CDIN1: variants seen among roughly 807,000 people sequenced by gnomAD.
CDIN1 encodes the protein CDAN1-interacting nuclease 1.
A neutral mutation model predicts 45.3 loss-of-function variants in CDIN1; 33 were observed. The ratio of observed to expected loss-of-function variants is 0.73; its 90% CI spans 0.55 to 0.97. The LOEUF (loss-of-function observed/expected upper bound fraction) is 0.97, where lower values mean the gene tolerates loss of function less well. CDIN1 is among the 50% of genes least tolerant of loss of function. The pLI is 0.00. For synonymous variants in CDIN1, 118 were observed against 124.4 expected (o/e 0.95, Z 0.34); for missense variants, 303 against 339.4 (o/e 0.89, Z 0.84).
At chr15:36,764,755 G>C (rs1012741734) in intron 10 of CDIN1, among the ~76,000 whole-genome samples, 4 of 152,152 alleles carry the variant, frequency 2.6e-5, no homozygotes, top group African/African-American at 7.2e-5. Flanking sequence ...AGCTCCCCTT[G>C]CAGTAAGATG....
chr15:36,655,200 A>G (rs2040730547), intron 4 of CDIN1, among the ~76,000 whole-genome samples: 1 of 152,234 alleles, frequency 6.6e-6, no homozygotes, highest in Non-Finnish European at 1.5e-5. Flanking sequence ...AGTCTAAGCA[A>G]TGTCTACACA....
chr15:36,794,028 A>C (rs991254723), intron 10 of CDIN1, among the ~76,000 whole-genome samples: 9 of 147,982 alleles, frequency 6.1e-5, no homozygotes, highest in South Asian at 4.2e-4. Context: ...GAAAAAAAAA[A>C]CCCCACATAA....
At chr15:36,692,510 A>G (rs1442725647) in intron 7 of CDIN1, among the ~76,000 whole-genome samples, 1 of 152,220 alleles carries the variant, frequency 6.6e-6, no homozygotes, top group Non-Finnish European at 1.5e-5. Context: ...ACATTTTTTA[A>G]AAATATAACA....
chr15:36,607,891 A>C (rs1428521172), intron 1 of CDIN1, among the ~76,000 whole-genome samples: 6 of 152,178 alleles, frequency 3.9e-5, no homozygotes, highest in Admixed American at 3.9e-4. Flanking sequence ...GTTCAGTCCT[A>C]GGCGATCACT....
intron 10 of CDIN1, among the ~76,000 whole-genome samples, chr15:36,794,059 C>CTT (rs1348220036): frequency 9.6e-4 from 47 of 48,756 alleles, no homozygotes; most frequent in Non-Finnish European, 2.4e-3. Context: ...GCCATCATAA[C>CTT]TATTTTTTTT....
chr15:36,600,186 T>G (rs1004023122), intron 1 of CDIN1, among the ~76,000 whole-genome samples: 2 of 152,198 alleles, frequency 1.3e-5, no homozygotes, highest in Non-Finnish European at 2.9e-5. Context: ...ACTCCTGCCT[T>G]AAAACTGTTA....
chr15:36,798,374 T>C (rs1199793786), intron 10 of CDIN1, among the ~76,000 whole-genome samples: 1 of 152,250 alleles, frequency 6.6e-6, no homozygotes, highest in African/African-American at 2.4e-5. Context: ...TTCATGAATC[T>C]GCAAAATTGG....
In CDIN1 at chr15:36,629,326, G is replaced by GTT. The variant is rs1172773516; in HGVS notation, c.102-14950_102-14949dup. ...TTTGTTTGATTTTGATAAGTAGTTGGTTTAAGAAGCCATCTGAAGTGGGTC... is the reference window on the plus strand; with the variant it reads ...TTTGTTTGATTTTGATAAGTAGTTGGTTTTTAAGAAGCCATCTGAAGTGGGTC... On this transcript the variant is annotated intron_variant, in intron 1 of 10. Transcript: ENST00000566621. Among the ~76,000 whole-genome samples the GTT allele has an allele frequency of 2.0e-5, 3 of 152,260 alleles. No individual in the cohort carries two copies. In the East Asian group the frequency reaches 5.8e-4, roughly 29 times the overall value.
intron 10 of CDIN1, among the ~76,000 whole-genome samples, chr15:36,732,971 A>G (rs2043885258): frequency 6.6e-6 from 1 of 152,070 alleles, no homozygotes; most frequent in African/African-American, 2.4e-5. Flanking sequence ...AAAATGGGTA[A>G]GAAATTCTGA....
intron 10 of CDIN1, among the ~76,000 whole-genome samples, chr15:36,742,980 A>G (rs753439859): frequency 1.3e-5 from 2 of 152,182 alleles, no homozygotes; most frequent in Non-Finnish European, 2.9e-5. Context: ...GAAAAGCACA[A>G]AGGTTTTCTA....
intron 5 of CDIN1, among the ~76,000 whole-genome samples, chr15:36,689,262 T>C (rs57945156): frequency 0.02 from 3,069 of 152,300 alleles, 109 homozygotes; most frequent in African/African-American, 0.067. Context: ...AATAAATGAC[T>C]ACTTTTCTTA....
At chr15:36,614,699 C>T (rs1187784514) in intron 1 of CDIN1, among the ~76,000 whole-genome samples, 3 of 152,160 alleles carry the variant, frequency 2.0e-5, no homozygotes, top group Non-Finnish European at 4.4e-5. Context: ...CTATGGGAAG[C>T]CTCATTGCTG....
chr15:36,732,622 T>C (rs1049373458), intron 10 of CDIN1, among the ~76,000 whole-genome samples: 1 of 151,980 alleles, frequency 6.6e-6, no homozygotes. Flanking sequence ...AAAATAAATA[T>C]ATAAGTTCAT....
At chr15:36,695,517 CAG>C (rs1282140774) in intron 7 of CDIN1, among the ~76,000 whole-genome samples, 1 of 152,114 alleles carries the variant, frequency 6.6e-6, no homozygotes, top group Non-Finnish European at 1.5e-5. Context: ...GCAAATTCCC[CAG>C]CCTCCCTGAA....
chr15:36,687,668 A>G (rs2042108865), intron 5 of CDIN1, among the ~76,000 whole-genome samples: 1 of 152,090 alleles, frequency 6.6e-6, no homozygotes, highest in Non-Finnish European at 1.5e-5. Context: ...GAAACTGACA[A>G]CTCCACAGTA....
At chr15:36,676,783 C>T (rs1009242465) in intron 5 of CDIN1, among the ~76,000 whole-genome samples, 2 of 152,056 alleles carry the variant, frequency 1.3e-5, no homozygotes, top group African/African-American at 4.8e-5. Context: ...ATTATGTGGC[C>T]CTATATTTGC....
In CDIN1 at chr15:36,808,893, T is replaced by C. The variant is rs2055317853; in HGVS notation, c.*440T>C. On this transcript the variant is annotated 3_prime_UTR_variant, in exon 11 of 11. Coordinates refer to ENST00000566621, the MANE Select transcript of CDIN1 (RefSeq NM_001321759.2). The stretch of plus-strand genomic sequence containing the variant: ...CTCTCCCTCTCCCTTTCTCTTCATG[T>C]GCACTCACAGAGACCCAGCATTGCA... 4.4e-6 allele frequency: 2 copies of C among 456,464 alleles called. No homozygotes were observed. The highest frequency in any genetic ancestry group is 1.5e-5 in the South Asian group (1 of 64,546). 28.3% of individuals were successfully genotyped at this position (456,464 alleles called of 1,614,324 possible).
At chr15:36,758,696 G>A (rs887089592) in intron 10 of CDIN1, among the ~76,000 whole-genome samples, 11 of 152,124 alleles carry the variant, frequency 7.2e-5, no homozygotes, top group Admixed American at 7.2e-4. Flanking sequence ...TTTAAGCTAT[G>A]AAATCTATCT....
chr15:36,621,217 C>T (rs1343118890), intron 1 of CDIN1, among the ~76,000 whole-genome samples: 1 of 152,066 alleles, frequency 6.6e-6, no homozygotes, highest in Non-Finnish European at 1.5e-5. Context: ...TGGAAAGCAC[C>T]ATTGTGACAT....
Sources: gnomAD v4.1 joint callset for allele counts (sites outside exome capture counted in the v4.1 genomes callset) on GRCh38, gnomAD v4.1.1 for gene constraint, MANE v1.5 for transcripts, NCBI Gene and HGNC (gene_info 2026-07-23, HGNC 2026-07-21) for gene names.